The following CTXND2 variants were observed in gnomAD, a reference collection of about 807,000 sequenced individuals.
CTXND2 encodes the protein cortexin domain containing 2.
chr1:150,895,765 C>T (rs1668908235), intron 1 of CTXND2, among the ~76,000 whole-genome samples: 1 of 152,216 alleles, frequency 6.6e-6, no homozygotes, highest in South Asian at 2.1e-4. Context: ...CATGACTCAG[C>T]CTTGACCAGT....
chr1:150,895,336 CT>C (rs1050873714), intron 1 of CTXND2, among the ~76,000 whole-genome samples: 2 of 150,064 alleles, frequency 1.3e-5, no homozygotes, highest in Admixed American at 6.7e-5. Flanking sequence ...TCTTTTTTTT[CT>C]TTTTTTTTCT....
chr1:150,900,523 A>T (rs1668995140), intron 1 of CTXND2, among the ~76,000 whole-genome samples: 1 of 152,154 alleles, frequency 6.6e-6, no homozygotes, highest in South Asian at 2.1e-4. Flanking sequence ...AATGGTAGGC[A>T]CCTGTAATCC....
chr1:150,893,648 C>T (rs587664538), intron 1 of CTXND2, among the ~76,000 whole-genome samples: 352 of 152,102 alleles, frequency 2.3e-3, no homozygotes, highest in Non-Finnish European at 3.9e-3. Flanking sequence ...TTTAGAGAGA[C>T]GGGTCTCACT....
intron 1 of CTXND2, among the ~76,000 whole-genome samples, chr1:150,892,236 G>C (rs1360121556): frequency 6.6e-6 from 1 of 152,078 alleles, no homozygotes; most frequent in Non-Finnish European, 1.5e-5. Flanking sequence ...TCTTCTAAAG[G>C]TTTTCAAGTT....
At chr1:150,903,629 C>T (rs1450842859) in intron 1 of CTXND2, among the ~76,000 whole-genome samples, 2 of 151,690 alleles carry the variant, frequency 1.3e-5, no homozygotes, top group Non-Finnish European at 2.9e-5. Flanking sequence ...GACACCCCGT[C>T]GCTACTAAAA....
intron 1 of CTXND2, among the ~76,000 whole-genome samples, chr1:150,896,143 G>T (rs587699379): frequency 6.6e-6 from 1 of 152,322 alleles, no homozygotes; most frequent in African/African-American, 2.4e-5. Context: ...AGAGATGATA[G>T]GTAGGGGGAA....
rs371625959 is a variant in CTXND2, at chr1:150,900,490, T to A, written c.-73-11752T>A. On this transcript the variant is annotated intron_variant, in intron 1 of 1. Transcript: ENST00000636087. ...GAAGTCAGTGAGACCAAGAACTCAC[T>A]GGAAGGAACCAATTCTCGACACAAT... Among the ~76,000 whole-genome samples, 99 of 152,270 alleles carry A rather than the reference T, an allele frequency of 6.5e-4. 1 individual carries two copies. The highest frequency in any genetic ancestry group is 2.3e-3 in the African/African-American group (95 of 41,546).
At chr1:150,892,736 A>C (rs1337677646) in intron 1 of CTXND2, among the ~76,000 whole-genome samples, 1 of 151,904 alleles carries the variant, frequency 6.6e-6, no homozygotes, top group Non-Finnish European at 1.5e-5. Flanking sequence ...ATGGGGTTTT[A>C]CCATGTTGCT....
intron 1 of CTXND2, among the ~76,000 whole-genome samples, chr1:150,909,231 CCTT>C (rs1267790501): frequency 2.2e-5 from 3 of 136,324 alleles, no homozygotes; most frequent in Non-Finnish European, 3.1e-5. Flanking sequence ...GAGCAAGACT[CCTT>C]CTCAAAAAAA....
At chr1:150,909,090 G>A (rs1299932486) in intron 1 of CTXND2, among the ~76,000 whole-genome samples, 2 of 150,988 alleles carry the variant, frequency 1.3e-5, no homozygotes, top group African/African-American at 4.9e-5. Flanking sequence ...AATACAAAAC[G>A]TAGCCGGGCA....
intron 1 of CTXND2, among the ~76,000 whole-genome samples, chr1:150,907,704 CTTTTTT>C (rs34842844): frequency 2.8e-5 from 2 of 71,460 alleles, no homozygotes; most frequent in African/African-American, 5.7e-5. Context: ...CATATGGTGG[CTTTTTT>C]TTTTTTTTTT....
intron 1 of CTXND2, among the ~76,000 whole-genome samples, chr1:150,909,096 G>C (rs762347518): frequency 6.6e-6 from 1 of 151,244 alleles, no homozygotes; most frequent in Admixed American, 6.6e-5. Context: ...AAACGTAGCC[G>C]GGCATGGTGG....
At chr1:150,891,082 C>T (rs893071729) in intron 1 of CTXND2, among the ~76,000 whole-genome samples, 1 of 152,176 alleles carries the variant, frequency 6.6e-6, no homozygotes, top group Non-Finnish European at 1.5e-5. Context: ...GGAGTTTCCA[C>T]ATTGACAAAC....
At chr1:150,901,176 A>G (rs1669020474) in intron 1 of CTXND2, among the ~76,000 whole-genome samples, 1 of 150,246 alleles carries the variant, frequency 6.7e-6, no homozygotes, top group East Asian at 1.9e-4. Flanking sequence ...TAAAATAGGA[A>G]TACATTTAAG....
chr1:150,910,135 T>G (rs1167351381), intron 1 of CTXND2, among the ~76,000 whole-genome samples: 4 of 145,284 alleles, frequency 2.8e-5, no homozygotes, highest in Non-Finnish European at 6.1e-5. Context: ...TTTTTTTTCT[T>G]TTTTTTTTTT....
At chr1:150,901,216 G>A (rs750941298) in intron 1 of CTXND2, among the ~76,000 whole-genome samples, 3 of 152,138 alleles carry the variant, frequency 2.0e-5, no homozygotes, top group Non-Finnish European at 2.9e-5. Flanking sequence ...TTCTTTGGAA[G>A]CTACAAAACA....
At chr1:150,887,503 G>A (rs1668789068) in intron 1 of CTXND2, among the ~76,000 whole-genome samples, 190 bp downstream of exon 1, 1 of 151,888 alleles carries the variant, frequency 6.6e-6, no homozygotes, top group African/African-American at 2.4e-5. Flanking sequence ...ATGTTGCCCA[G>A]ACTGAACTCA....
At chr1:150,900,776 T>A (rs920932358) in intron 1 of CTXND2, among the ~76,000 whole-genome samples, 3 of 152,138 alleles carry the variant, frequency 2.0e-5, no homozygotes, top group Non-Finnish European at 4.4e-5. Flanking sequence ...GACCACACAT[T>A]CAATAGAAAA....
intron 1 of CTXND2, among the ~76,000 whole-genome samples, chr1:150,903,614 A>C (rs1224222541): frequency 1.3e-5 from 2 of 152,006 alleles, no homozygotes; most frequent in African/African-American, 4.8e-5. Context: ...CCTGGCCAAC[A>C]TAGTGACACC....
Sources: allele counts gnomAD v4.1 joint callset (sites outside exome capture counted in the v4.1 genomes callset), GRCh38; gene constraint gnomAD v4.1.1; transcripts MANE v1.5; gene names NCBI Gene and HGNC (gene_info 2026-07-23, HGNC 2026-07-21).